KAZN: variants seen among roughly 807,000 people sequenced by gnomAD.
KAZN encodes kazrin, periplakin interacting protein.
KAZN carries 40 observed loss-of-function variants against 87.4 expected under a neutral mutation model. The observed-to-expected ratio is 0.46, with a 90% CI of 0.36 to 0.60. The LOEUF (loss-of-function observed/expected upper bound fraction) is 0.60. Ranked by LOEUF, KAZN falls within the 20% of genes least tolerant of loss-of-function variation. The pLI is 0.00. For missense variants in KAZN, 898 were observed against 1,073.9 expected (o/e 0.84, Z 2.29); for synonymous variants, 466 against 458.3 (o/e 1.02, Z -0.22).
intron 2 of KAZN, among the ~76,000 whole-genome samples, chr1:14,193,191 G>A (rs1405977486): frequency 6.6e-6 from 1 of 152,098 alleles, no homozygotes; most frequent in Non-Finnish European, 1.5e-5. Flanking sequence ...GTTTCCTGAG[G>A]CCTCCCCAGC....
chr1:14,785,329 G>T (rs1304592732), intron 1 of KAZN, among the ~76,000 whole-genome samples: 4 of 152,090 alleles, frequency 2.6e-5, no homozygotes, highest in African/African-American at 9.7e-5. Flanking sequence ...CTCAGTTCAG[G>T]CTTTTGAGAG....
intron 2 of KAZN, among the ~76,000 whole-genome samples, chr1:14,269,504 C>T (rs912418725): frequency 1.3e-5 from 2 of 152,026 alleles, no homozygotes; most frequent in African/African-American, 4.8e-5. Context: ...CTAGTAACAT[C>T]CTCCCAGGGA....
intron 1 of KAZN, among the ~76,000 whole-genome samples, chr1:14,110,238 T>C (rs1000031524): frequency 9.2e-5 from 14 of 152,238 alleles, no homozygotes; most frequent in African/African-American, 3.1e-4. Context: ...AATTTCAGGC[T>C]TGCAGAACAT....
At chr1:13,908,304 C>T (rs750462451) in intron 1 of KAZN, among the ~76,000 whole-genome samples, 3 of 152,200 alleles carry the variant, frequency 2.0e-5, no homozygotes, top group Non-Finnish European at 4.4e-5. Context: ...AAGGACCAGC[C>T]ACTTGCCTTT....
chr1:13,904,509 T>C (rs1451379583), intron 1 of KAZN, among the ~76,000 whole-genome samples: 1 of 152,230 alleles, frequency 6.6e-6, no homozygotes, highest in East Asian at 1.9e-4. Flanking sequence ...TGTTTAGTTT[T>C]ATTTTGGCTA....
At chr1:14,798,212 T>C (rs1248696534) in intron 1 of KAZN, among the ~76,000 whole-genome samples, 1 of 151,882 alleles carries the variant, frequency 6.6e-6, no homozygotes, top group African/African-American at 2.4e-5. Context: ...GGGAAAGGAG[T>C]AAAACCACGG....
At chr1:14,309,204 T>C in intron 2 of KAZN, among the ~76,000 whole-genome samples, 1 of 152,200 alleles carries the variant, frequency 6.6e-6, no homozygotes, top group East Asian at 1.9e-4. Context: ...TGCAACAGGA[T>C]AAGCAACCCT....
intron 2 of KAZN, among the ~76,000 whole-genome samples, chr1:14,303,304 T>C (rs1654690513): frequency 6.6e-6 from 1 of 152,066 alleles, no homozygotes; most frequent in Non-Finnish European, 1.5e-5. Flanking sequence ...AGTGCCGTGG[T>C]GAGATCTTGG....
chr1:14,044,374 G>A (rs1345974431), intron 1 of KAZN, among the ~76,000 whole-genome samples: 2 of 117,986 alleles, frequency 1.7e-5, no homozygotes, highest in East Asian at 6.0e-4. Context: ...CACAGGGTAT[G>A]GAAACTCACT....
At chr1:14,444,305 G>GTT (rs1666855909) in intron 2 of KAZN, among the ~76,000 whole-genome samples, 4 of 117,832 alleles carry the variant, frequency 3.4e-5, no homozygotes, top group African/African-American at 1.5e-4. Flanking sequence ...CTAAATTCAT[G>GTT]ATTTTTTTTT....
At position 14,232,295 on chromosome 1, in the gene KAZN, G is replaced by A. The variant is rs565139140; in HGVS notation, c.249+51703G>A. On this transcript the variant is annotated intron_variant, in intron 2 of 16. Coordinates refer to the KAZN transcript ENST00000636203. ...TGCCTATTGCAGAGGTGGGGGCAGC[G>A]CAGGCAGTGGGGGATATAACACTTC... Among the ~76,000 whole-genome samples the A allele has an allele frequency of 5.3e-5, 8 of 152,274 alleles. No homozygotes were observed. In the East Asian group the frequency reaches 7.7e-4, roughly 15 times the overall value.
intron 2 of KAZN, among the ~76,000 whole-genome samples, chr1:14,443,818 T>C (rs1235447446): frequency 6.6e-6 from 1 of 152,250 alleles, no homozygotes; most frequent in Admixed American, 6.5e-5. Flanking sequence ...CAAAATGGTA[T>C]AGCAGCATTT....
Position 14,585,987 on chromosome 1 carries a change from G to T in KAZN, c.250-12996G>T, listed in dbSNP as rs182463237. ...CAAAGAAACCAGGTCCCTCCTGGGA[G>T]ATCAAAATCAATTTTAAACAGACAC... is the stretch of plus-strand genomic sequence containing the variant. On this transcript the variant is annotated intron_variant, in intron 2 of 16. Transcript: ENST00000636203. Among the ~76,000 whole-genome samples the T allele has an allele frequency of 1.7e-4, 26 of 152,336 alleles. No homozygotes were observed. In the East Asian group the frequency reaches 5.0e-3, roughly 29 times the overall value.
intron 2 of KAZN, among the ~76,000 whole-genome samples, chr1:14,269,020 ACT>A (rs1286540685): frequency 6.6e-6 from 1 of 152,212 alleles, no homozygotes; most frequent in South Asian, 2.1e-4. Flanking sequence ...ACCGGAGCTA[ACT>A]CTGCCCATTA....
chr1:14,444,961 A>G (rs897646875), intron 2 of KAZN, among the ~76,000 whole-genome samples: 7 of 152,194 alleles, frequency 4.6e-5, no homozygotes, highest in Admixed American at 1.3e-4. Context: ...TTATTTGAAG[A>G]GAAAGAGGTC....
intron 1 of KAZN, among the ~76,000 whole-genome samples, chr1:14,867,730 C>A (rs949916480): frequency 3.3e-5 from 4 of 122,366 alleles, no homozygotes; most frequent in Non-Finnish European, 6.9e-5. Flanking sequence ...AGACACCCCC[C>A]CCCCCACCCT....
chr1:13,949,801 C>T (rs1641279338), intron 1 of KAZN, among the ~76,000 whole-genome samples: 1 of 152,186 alleles, frequency 6.6e-6, no homozygotes, highest in Admixed American at 6.5e-5. Context: ...GACCCCAAAG[C>T]CCCATTCTCA....
At chr1:14,045,668 T>G (rs10754907) in intron 1 of KAZN, among the ~76,000 whole-genome samples, 1 of 151,936 alleles carries the variant, frequency 6.6e-6, no homozygotes, top group Admixed American at 6.6e-5. Context: ...TTAGAGACTT[T>G]GTTACTTCCT....
At chr1:15,046,383 C>A (rs761686620) in intron 4 of KAZN, among the ~76,000 whole-genome samples, 1 of 151,796 alleles carries the variant, frequency 6.6e-6, no homozygotes. Context: ...GGTCTTCATC[C>A]TCGTTGTCTT....
Sources: gnomAD v4.1 joint callset for allele counts (sites outside exome capture counted in the v4.1 genomes callset) on GRCh38, gnomAD v4.1.1 for gene constraint, MANE v1.5 for transcripts, NCBI Gene and HGNC (gene_info 2026-07-23, HGNC 2026-07-21) for gene names.